EFR3A: variants seen among roughly 807,000 people sequenced by gnomAD.
EFR3A encodes the protein EFR3 homolog A.
In EFR3A, 76 loss-of-function variants were observed where a neutral mutation model predicts 104.4. The observed-to-expected ratio is 0.73, with a 90% CI of 0.60 to 0.88. The LOEUF (loss-of-function observed/expected upper bound fraction) is 0.88. Ranked by LOEUF, EFR3A falls within the 40% of genes least tolerant of loss-of-function variation. The pLI is 0.00. For synonymous variants in EFR3A, 330 were observed against 330.0 expected, an observed-to-expected ratio of 1.00 and a Z score of 0.00; for missense variants, 985 against 1,012.5, an observed-to-expected ratio of 0.97 and a Z score of 0.37.
At chr8:131,946,774 A>T in intron 4 of EFR3A, 141 bp downstream of exon 4, 1 of 781,806 alleles carries the variant, frequency 1.3e-6, no homozygotes, top group Non-Finnish European at 1.8e-6. Context: ...AGATAATTAG[A>T]ATACTTTGCC....
intron 20 of EFR3A, 39 bp downstream of exon 20, chr8:132,001,846 A>G: frequency 3.3e-6 from 5 of 1,536,428 alleles, no homozygotes; most frequent in Non-Finnish European, 4.5e-6. Flanking sequence ...CCAATATTTA[A>G]CTTATCTTTA....
intron 1 of EFR3A, among the ~76,000 whole-genome samples, chr8:131,915,022 A>G (rs546075648): frequency 1.1e-4 from 16 of 152,254 alleles, no homozygotes; most frequent in Non-Finnish European, 5.9e-5. Context: ...TCCATGGTAT[A>G]TATACACCAC....
At chr8:131,923,164 C>T (rs745460329) in intron 1 of EFR3A, among the ~76,000 whole-genome samples, 5 of 151,962 alleles carry the variant, frequency 3.3e-5, no homozygotes, top group Non-Finnish European at 7.4e-5. Flanking sequence ...CCTCCAAGAC[C>T]GGCCTGTCAA....
At chr8:132,009,215 G>C (rs937471976) in intron 22 of EFR3A, among the ~76,000 whole-genome samples, 2 of 151,908 alleles carry the variant, frequency 1.3e-5, no homozygotes, top group Non-Finnish European at 2.9e-5. Flanking sequence ...TAAATTCAAA[G>C]AAGTATATAA....
In EFR3A at chr8:131,977,055, G is replaced by C. The variant is rs1460546124; in HGVS notation, c.1289G>C (p.Arg430Thr). 4 of 1,601,434 alleles carry C rather than the reference G, an allele frequency of 2.5e-6. No individual in the cohort carries two copies. Among genetic ancestry groups the C allele is most frequent in the Non-Finnish European group, 3.4e-6 (4 of 1,173,426 alleles). ...GTATATTTTAGGGATTTGGGAACCA[G>C]GAGAATTCAGATAATGTTGCTGAGA... ...DISQLGDLGT[R>T]RIQIMLLRSL... is the part of the protein sequence containing the mutation. Residue 430 changes from arginine (R) to threonine (T), a missense_variant, in exon 12 of 23, where the codon AGG becomes ACG. By Grantham distance (71) the Arg-to-Thr change is moderately conservative (BLOSUM62 -1). Coordinates refer to ENST00000254624, the MANE Select transcript of EFR3A (RefSeq NM_015137.6).
At chr8:131,931,626 T>C (rs1183365768) in intron 1 of EFR3A, among the ~76,000 whole-genome samples, 1 of 152,182 alleles carries the variant, frequency 6.6e-6, no homozygotes, top group East Asian at 1.9e-4. Context: ...CAATGCCTTA[T>C]ATGTAGTAGA....
At chr8:131,926,431 AAT>A (rs1214594063) in intron 1 of EFR3A, among the ~76,000 whole-genome samples, 1 of 152,120 alleles carries the variant, frequency 6.6e-6, no homozygotes, top group African/African-American at 2.4e-5. Flanking sequence ...AAATAAAAAA[AAT>A]TTGTATCTTC....
At chr8:131,944,656 C>A in intron 2 of EFR3A, 89 bp from the exon 3 acceptor site, 2 of 1,310,154 alleles carry the variant, frequency 1.5e-6, no homozygotes, top group Non-Finnish European at 2.1e-6. Flanking sequence ...ATCCCCAATC[C>A]AGAAAGGGAA....
At chr8:131,961,093 A>T (rs1819294527) in intron 8 of EFR3A, among the ~76,000 whole-genome samples, 1 of 152,242 alleles carries the variant, frequency 6.6e-6, no homozygotes, top group African/African-American at 2.4e-5. Context: ...AAAGGTAGAT[A>T]AAACCACAAA....
intron 21 of EFR3A, 41 bp downstream of exon 21, chr8:132,002,747 G>A (rs1426480843): frequency 6.6e-7 from 1 of 1,517,296 alleles, no homozygotes; most frequent in East Asian, 2.3e-5. Context: ...GTGGACTGTT[G>A]TTTTGTGGAA....
intron 1 of EFR3A, among the ~76,000 whole-genome samples, chr8:131,926,156 A>G (rs1007572166): frequency 6.6e-6 from 1 of 152,190 alleles, no homozygotes; most frequent in African/African-American, 2.4e-5. Flanking sequence ...TATAAACAAT[A>G]TACTTCAAAT....
rs1816110985 is a variant in EFR3A at position 131,904,110 on chromosome 8, G to A, written c.-203G>A. Reference sequence around the variant, plus strand: ...CGTGGGTCGTCCGTCGCGCCGCCCGGCGAGGAGTGGGCTGGCGGCGGTAGC... The same window carrying A: ...CGTGGGTCGTCCGTCGCGCCGCCCGACGAGGAGTGGGCTGGCGGCGGTAGC... On this transcript the variant is annotated 5_prime_UTR_variant, in exon 1 of 23. Coordinates refer to ENST00000254624, the MANE Select transcript of EFR3A (RefSeq NM_015137.6). The A allele has an allele frequency of 5.9e-6, 3 of 504,948 alleles. No homozygotes were observed. The highest frequency in any genetic ancestry group is 9.1e-6 in the Non-Finnish European group (3 of 330,488). 31.3% of individuals were successfully genotyped at this position (504,948 alleles called of 1,614,324 possible). A position where few individuals can be genotyped will look rare whatever the true frequency, so the allele number is the denominator to read the frequency against.
At chr8:131,975,868 T>C (rs1412342885) in intron 10 of EFR3A, among the ~76,000 whole-genome samples, 159 bp from the exon 11 acceptor site, 3 of 152,242 alleles carry the variant, frequency 2.0e-5, no homozygotes, top group Non-Finnish European at 2.9e-5. Flanking sequence ...AATGATTTTG[T>C]ACAAATGAAA....
At chr8:131,921,220 G>A (rs962968276) in intron 1 of EFR3A, among the ~76,000 whole-genome samples, 4 of 152,144 alleles carry the variant, frequency 2.6e-5, no homozygotes, top group Admixed American at 2.6e-4. Flanking sequence ...GGTGTTGGCA[G>A]GGTGGGTTCT....
intron 7 of EFR3A, among the ~76,000 whole-genome samples, chr8:131,957,887 G>A (rs957614786): frequency 6.6e-6 from 1 of 152,112 alleles, no homozygotes; most frequent in African/African-American, 2.4e-5. Context: ...TATAGTTTAG[G>A]GGTTACGGTG....
intron 22 of EFR3A, among the ~76,000 whole-genome samples, chr8:132,006,245 G>T (rs890836432): frequency 3.9e-5 from 6 of 151,938 alleles, no homozygotes; most frequent in African/African-American, 7.2e-5. Context: ...CAGAAAATAG[G>T]CAAACAATAG....
chr8:131,945,545 T>G (rs1017859439), intron 3 of EFR3A, among the ~76,000 whole-genome samples: 1 of 152,124 alleles, frequency 6.6e-6, no homozygotes, highest in African/African-American at 2.4e-5. Flanking sequence ...TGTTACCACT[T>G]AGAACATTTT....
intron 8 of EFR3A, among the ~76,000 whole-genome samples, chr8:131,961,396 G>A (rs1484490615): frequency 1.3e-5 from 2 of 152,192 alleles, no homozygotes; most frequent in South Asian, 2.1e-4. Context: ...ACCATGGCAC[G>A]AGAACTACTT....
At chr8:131,924,341 C>T (rs535956411) in intron 1 of EFR3A, among the ~76,000 whole-genome samples, 22 of 152,084 alleles carry the variant, frequency 1.4e-4, no homozygotes, top group Admixed American at 2.0e-4. Context: ...TCCTTTGACA[C>T]GTGAAAAGAC....
Sources: allele counts gnomAD v4.1 joint callset (sites outside exome capture counted in the v4.1 genomes callset), GRCh38; gene constraint gnomAD v4.1.1; transcripts MANE v1.5; gene names NCBI Gene and HGNC (gene_info 2026-07-23, HGNC 2026-07-21).